Variants in SYVN1 observed in about 807,000 individuals in gnomAD.
SYVN1 encodes synoviolin 1.
A neutral mutation model predicts 62.6 loss-of-function variants in SYVN1; 17 were observed. The ratio of observed to expected loss-of-function variants is 0.27; its 90% CI spans 0.19 to 0.41. The LOEUF is 0.41. Among genes scored for constraint, SYVN1 ranks in the 10% least tolerant of loss-of-function variants. SYVN1 has a pLI of 1.00. For synonymous variants in SYVN1, 316 were observed against 304.0 expected, an observed-to-expected ratio of 1.04 and a Z score of -0.41; for missense variants, 634 against 818.0, an observed-to-expected ratio of 0.78 and a Z score of 2.74.
rs765206973 is a variant in SYVN1 at position 65,130,934 on chromosome 11, G to A, written c.927C>T (p.His309=). 1 of 1,613,936 alleles carries A rather than the reference G, an allele frequency of 6.2e-7. No individual in the cohort carries two copies. The highest frequency in any genetic ancestry group is 1.1e-5 in the South Asian group (1 of 91,086). Residue 309 remains histidine, a synonymous_variant, in exon 10 of 16, where the codon CAC becomes CAT. Coordinates refer to ENST00000377190, the MANE Select transcript of SYVN1 (RefSeq NM_172230.3). ...VTGAKRLPCN[H]IFHTSCLRSW... is the part of the protein sequence containing the mutation. ...GCCCCTCCCACCTGGTATGGAAAAT[G>A]TGGTTGCAGGGCAGTCTCTTGGCAC...
chr11:65,133,661 G>A, intron 1 of SYVN1, 43 bp from the exon 2 acceptor site: 1 of 1,534,518 alleles, frequency 6.5e-7, no homozygotes, highest in Non-Finnish European at 8.8e-7. Context: ...CTCGTGCTGT[G>A]CAAAATAGCC....
chr11:65,133,988 T>A (rs564084840), intron 1 of SYVN1, among the ~76,000 whole-genome samples: 1,541 of 152,170 alleles, frequency 0.01, 29 homozygotes, highest in Non-Finnish European at 0.01. Context: ...AGAAATCTGC[T>A]CCAGGGGCGG....
At position 65,130,808 on chromosome 11, in the gene SYVN1, C is replaced by A; in HGVS notation, c.957G>T (p.Trp319Cys). ...TGGGGCAGGTCTGCTGCCGCTGGAA[C>A]CAGGAGCGCAGGCAGCTGCGGGTCA... is the stretch of plus-strand genomic sequence containing the variant. ...HIFHTSCLRS[W>C]FQRQQTCPTC... Residue 319 changes from tryptophan to cysteine, a missense_variant, in exon 11 of 16, where the codon TGG becomes TGT. Physicochemically the swap from Trp to Cys is radical, Grantham distance 215. Transcript: ENST00000377190. 1 of 1,558,352 alleles carries A rather than the reference C, an allele frequency of 6.4e-7. No individual in the cohort carries two copies. Among genetic ancestry groups the A allele is most frequent in the Non-Finnish European group, 8.6e-7 (1 of 1,157,650 alleles).
rs1377906128 is a variant in SYVN1 at position 65,133,733 on chromosome 11, G to A, written c.-17-115C>T. The stretch of plus-strand genomic sequence containing the variant: ...GGGGGGGAAATCACATTTCGCCCTC[G>A]AAATCATCAGACAAAGAATAGCTTA... On this transcript the variant is annotated intron_variant, in intron 1 of 15. Coordinates refer to ENST00000377190, the MANE Select transcript of SYVN1 (RefSeq NM_172230.3). The A allele has an allele frequency of 4.9e-6, 4 of 812,014 alleles. No individual in the cohort carries two copies. In the South Asian group the frequency reaches 5.2e-5, roughly 10 times the overall value. The allele number at this position is 812,014 out of a possible 1,614,324, so 50.3% of individuals were successfully genotyped here.
chr11:65,133,115 T>C lies in SYVN1; in HGVS notation c.226-41A>G, dbSNP rs762486387. The C allele has an allele frequency of 4.3e-6, 7 of 1,614,060 alleles. No homozygotes were observed. In the South Asian group the frequency reaches 6.6e-5, roughly 15 times the overall value. ...GGAATAATGTGGATACCAAACATTC[T>C]TTCCCAGCACCCTGCCCTCACCTTT... is the stretch of plus-strand genomic sequence containing the variant. On this transcript the variant is annotated intron_variant, in intron 3 of 15. Transcript: ENST00000377190.
Position 65,130,231 on chromosome 11 carries a change from C to CA in SYVN1, c.1234+19dup, listed in dbSNP as rs1948159922. 1.2e-6 allele frequency: 2 copies of CA among 1,608,870 alleles called. No homozygotes were observed. The highest frequency in any genetic ancestry group is 2.7e-5 in the African/African-American group (2 of 74,852). On this transcript the variant is annotated intron_variant, in intron 12 of 15. Transcript: ENST00000377190. ...TCCATCCCTGCCGCCCCCTGGCTGT[C>CA]ACAGTACCCAAAGGCTCACCTGCAC...
Position 65,129,769 on chromosome 11 carries a change from G to A in SYVN1, c.1555C>T (p.Leu519=). 1.9e-6 allele frequency: 3 copies of A among 1,614,248 alleles called. No individual in the cohort carries two copies. Among genetic ancestry groups the A allele is most frequent in the Non-Finnish European group, 2.5e-6 (3 of 1,180,042 alleles). ...ACGGTGAGGTACTGGTTGATCTGCA[G>A]CATGGCGGCGTCCAGCAGTGTGTGG... ...NIHTLLDAAM[L]QINQYLTVLA... The change falls in exon 14 of 16, where the codon CTG becomes TTG. Residue 519 remains leucine, a synonymous_variant. Coordinates refer to ENST00000377190, the MANE Select transcript of SYVN1 (RefSeq NM_172230.3).
chr11:65,129,974 G>C, intron 13 of SYVN1, 28 bp downstream of exon 13: 1 of 1,598,978 alleles, frequency 6.3e-7, no homozygotes, highest in Non-Finnish European at 8.5e-7. Context: ...TCACCCCCAA[G>C]AAGAACCCAG....
At chr11:65,128,520 G>A in intron 15 of SYVN1, 32 bp from the exon 16 acceptor site, 1 of 1,613,352 alleles carries the variant, frequency 6.2e-7, no homozygotes, top group Non-Finnish European at 8.5e-7. Context: ...GTGGAACCTA[G>A]AGAAGTTCCC....
Position 65,132,288 on chromosome 11 carries a change from A to C in SYVN1, c.491T>G (p.Leu164Arg). 2 of 1,614,120 alleles carry C rather than the reference A, an allele frequency of 1.2e-6. No homozygotes were observed. Among genetic ancestry groups the C allele is most frequent in the Non-Finnish European group, 1.7e-6 (2 of 1,179,968 alleles). The change falls in exon 6 of 16, where the codon CTG becomes CGG. Residue 164 changes from leucine to arginine, a missense_variant. Physicochemically the swap from Leu to Arg is moderately radical, Grantham distance 102. Coordinates refer to ENST00000377190, the MANE Select transcript of SYVN1 (RefSeq NM_172230.3). ...CAGCTGCACAGAGGCCCCACGGGTCAGGATGCTGTGATAGGCGTGGCTGAC... is the reference window on the plus strand; with the variant it reads ...CAGCTGCACAGAGGCCCCACGGGTCCGGATGCTGTGATAGGCGTGGCTGAC... Reference protein sequence around the residue: ...LFVSHAYHSILTRGASVQLVF... With the variant: ...LFVSHAYHSIRTRGASVQLVF...
At chr11:65,133,301 TC>T in intron 2 of SYVN1, 49 bp from the exon 3 acceptor site, 1 of 1,598,932 alleles carries the variant, frequency 6.3e-7, no homozygotes, top group Non-Finnish European at 8.6e-7. Context: ...TGCTTTCCTC[TC>T]CTTGGGACTC....
intron 1 of SYVN1, among the ~76,000 whole-genome samples, chr11:65,133,912 A>G (rs542396478): frequency 3.9e-5 from 6 of 152,302 alleles, no homozygotes; most frequent in Non-Finnish European, 7.4e-5. Context: ...AAAAGCTGCA[A>G]TGTTGGAGGA....
rs1471972017 is a variant in SYVN1 at position 65,134,458 on chromosome 11, G to A, written c.-20C>T. 2 of 152,778 alleles carry A rather than the reference G, an allele frequency of 1.3e-5. No homozygotes were observed. Among genetic ancestry groups the A allele is most frequent in the Admixed American group, 6.5e-5 (1 of 15,292 alleles). 9.5% of individuals were successfully genotyped at this position (152,778 alleles called of 1,614,324 possible). On this transcript the variant is annotated splice_region_variant and 5_prime_UTR_variant, in exon 1 of 16. Coordinates refer to ENST00000377190, the MANE Select transcript of SYVN1 (RefSeq NM_172230.3). Reference sequence around the variant, plus strand: ...GGGCCAGACTTCGCCCCACTCACCAGGAACCCAGCGCCGCGAGCCCGCTCA... The same window carrying A: ...GGGCCAGACTTCGCCCCACTCACCAAGAACCCAGCGCCGCGAGCCCGCTCA...
At chr11:65,133,714 G>A (rs999543369) in intron 1 of SYVN1, 96 bp from the exon 2 acceptor site, 12 of 987,128 alleles carry the variant, frequency 1.2e-5, no homozygotes, top group Middle Eastern at 2.3e-4. Flanking sequence ...AAGTGGGGGG[G>A]AAATCACATT....
intron 11 of SYVN1, 81 bp downstream of exon 11, chr11:65,130,579 C>G: frequency 2.0e-6 from 3 of 1,467,440 alleles, no homozygotes; most frequent in Non-Finnish European, 2.7e-6. Context: ...CAGGGACTCT[C>G]CAATTTCCCA....
chr11:65,127,384 T>C lies in SYVN1; in HGVS notation c.*998A>G. The stretch of plus-strand genomic sequence containing the variant: ...ATCTGAAACTGTCTCCAACAACTCT[T>C]GTAACACAAAACCAAGGGGAAAAGA... On this transcript the variant is annotated 3_prime_UTR_variant, in exon 16 of 16. Coordinates refer to ENST00000377190, the MANE Select transcript of SYVN1 (RefSeq NM_172230.3). 4.2e-6 allele frequency: 1 copy of C among 240,384 alleles called. No individual in the cohort carries two copies. The highest frequency in any genetic ancestry group is 8.0e-6 in the Non-Finnish European group (1 of 124,570). The allele number at this position is 240,384 out of a possible 1,614,324, so 14.9% of individuals were successfully genotyped here.
chr11:65,128,752 G>A (rs1221530694), intron 14 of SYVN1, 38 bp from the exon 15 acceptor site: 1 of 1,554,318 alleles, frequency 6.4e-7, no homozygotes, highest in Non-Finnish European at 8.7e-7. Flanking sequence ...CCTGGCCTTG[G>A]CATCCAAGGT....
At position 65,133,527 on chromosome 11, in the gene SYVN1, G is replaced by C. The variant is rs377340568; in HGVS notation, c.75C>G (p.Leu25=). ...TGAVVAHAYY[L]KHQFYPTVVY... ...CCACAGTGGGGTAGAACTGGTGTTT[G>C]AGGTAGTAGGCGTGAGCCACCACAG... Residue 25 remains leucine, a synonymous_variant, in exon 2 of 16, where the codon CTC becomes CTG. Transcript: ENST00000377190. The C allele has an allele frequency of 2.5e-6, 4 of 1,613,602 alleles. No homozygotes were observed. Among genetic ancestry groups the C allele is most frequent in the Non-Finnish European group, 2.5e-6 (3 of 1,180,056 alleles).
At chr11:65,133,355 G>C in intron 2 of SYVN1, 103 bp from the exon 3 acceptor site, 1 of 1,575,470 alleles carries the variant, frequency 6.3e-7, no homozygotes. Flanking sequence ...TTTATTCAAA[G>C]TTAGGCAGCT....
Sources: allele counts gnomAD v4.1 joint callset (sites outside exome capture counted in the v4.1 genomes callset), GRCh38; gene constraint gnomAD v4.1.1; transcripts MANE v1.5; gene names NCBI Gene and HGNC (gene_info 2026-07-23, HGNC 2026-07-21).